The following SHISA8 variants were observed in gnomAD, a reference collection of about 807,000 sequenced individuals.
SHISA8 encodes protein shisa-8.
A neutral mutation model predicts 21.1 loss-of-function variants in SHISA8; 21 were observed. The ratio of observed to expected loss-of-function variants is 0.99; its 90% CI spans 0.71 to 1.43. The LOEUF (loss-of-function observed/expected upper bound fraction) is 1.43. Among genes scored for constraint, SHISA8 ranks in the 40% most tolerant of loss-of-function variants. The pLI, the probability that SHISA8 is intolerant of heterozygous loss-of-function variation, is 0.00. For synonymous variants in SHISA8, 300 were observed against 291.4 expected (o/e 1.03, Z -0.30); for missense variants, 535 against 599.1 (o/e 0.89, Z 1.12).
rs764402883 is a variant in SHISA8, at chr22:41,914,413, G to T, written c.255C>A (p.Cys85Ter). Residue 85 changes from cysteine (C) to a stop codon, truncating the protein, a stop_gained, in exon 1 of 4, where the codon TGC becomes TGA. Coordinates refer to ENST00000621082, the MANE Select transcript of SHISA8 (RefSeq NM_001207020.3). LOFTEE classifies it high-confidence loss of function. This position sits in a 1 kb window ranked among gnomAD's most constrained non-coding sequence, Gnocchi z 6.8. ...AGCAGAAGCGGTAGCCGCACGTGCC[G>T]CAGCAGAAGCTGTAGGCTCCGGAGC... ...NCSSGAYSFC[C>*]GTCGYRFCCH... 2 of 1,344,972 alleles carry T rather than the reference G, an allele frequency of 1.5e-6. No homozygotes were observed. Among genetic ancestry groups the T allele is most frequent in the South Asian group, 1.8e-5 (1 of 54,206 alleles). 83.3% of individuals were successfully genotyped at this position (1,344,972 alleles called of 1,614,324 possible).
chr22:41,910,116 G>C lies in SHISA8; in HGVS notation c.843C>G (p.Phe281Leu). Reference protein sequence around the residue: ...EAAPRDFCQRFPALEPSPRQP... With the variant: ...EAAPRDFCQRLPALEPSPRQP... Reference sequence around the variant, plus strand: ...GCCGCGGGGACGGCTCGAGGGCGGGGAAACGCTGACAGAAGTCCCGCGGGG... The same window carrying C: ...GCCGCGGGGACGGCTCGAGGGCGGGCAAACGCTGACAGAAGTCCCGCGGGG... The change falls in exon 4 of 4, where the codon TTC (phenylalanine) becomes TTG (leucine). Residue 281 changes from phenylalanine to leucine, a missense_variant. Phe to Leu is a conservative substitution (Grantham distance 22). Transcript: ENST00000621082. This position sits in a 1 kb window ranked among gnomAD's most constrained non-coding sequence, Gnocchi z 6.8. 8.1e-7 allele frequency: 1 copy of C among 1,239,148 alleles called. No homozygotes were observed. The highest frequency in any genetic ancestry group is 1.0e-6 in the Non-Finnish European group (1 of 994,782). The allele number at this position is 1,239,148 out of a possible 1,614,324, so 76.8% of individuals were successfully genotyped here.
In SHISA8 at chr22:41,914,641, C is replaced by A; in HGVS notation, c.27G>T (p.Leu9=). The A allele has an allele frequency of 9.7e-7, 1 of 1,030,584 alleles. No homozygotes were observed. 63.8% of individuals were successfully genotyped at this position (1,030,584 alleles called of 1,614,324 possible). MARAGARG[L]LGGRRPPGLR... is the part of the protein sequence containing the mutation. ...GGCCGGGAGGACGGCGGCCGCCGAG[C>A]AGTCCCCGCGCCCCGGCCCGCGCCA... is the stretch of plus-strand genomic sequence containing the variant. The change falls in exon 1 of 4, where the codon CTG becomes CTT. Residue 9 remains leucine (L), a synonymous_variant. Transcript: ENST00000621082. This position sits in a 1 kb window ranked among gnomAD's most constrained non-coding sequence, Gnocchi z 6.8.
At position 41,909,647 on chromosome 22, in the gene SHISA8, T is replaced by C; in HGVS notation, c.*118A>G. 1 of 1,297,548 alleles carries C rather than the reference T, an allele frequency of 7.7e-7. No homozygotes were observed. Among genetic ancestry groups the C allele is most frequent in the Non-Finnish European group, 9.8e-7 (1 of 1,015,624 alleles). The allele number at this position is 1,297,548 out of a possible 1,614,324, so 80.4% of individuals were successfully genotyped here. ...CGGCCTGCAGGCTCCAAGACACCAC[T>C]GCCGTTGAGGCAGACAGAAGAGCTG... On this transcript the variant is annotated 3_prime_UTR_variant, in exon 4 of 4. Transcript: ENST00000621082.
chr22:41,910,463 C>T lies in SHISA8; in HGVS notation c.756G>A (p.Leu252=). The T allele has an allele frequency of 7.7e-7, 1 of 1,303,678 alleles. No individual in the cohort carries two copies. The highest frequency in any genetic ancestry group is 9.7e-7 in the Non-Finnish European group (1 of 1,030,860). The allele number at this position is 1,303,678 out of a possible 1,614,324, so 80.8% of individuals were successfully genotyped here. ...PRLQGGGSLT[L]QPDYAKYATF... ...TGGCGTACTTGGCGTAGTCTGGCTG[C>T]AGCGTCAGGCTGCCGCCGCCCTGCA... Residue 252 remains leucine (L), a synonymous_variant, in exon 3 of 4, where the codon CTG becomes CTA. Transcript: ENST00000621082. The surrounding 1 kb of genome is among the most constrained non-coding windows in gnomAD (Gnocchi z 6.8).
intron 1 of SHISA8, among the ~76,000 whole-genome samples, chr22:41,912,198 G>A (rs1481877967): frequency 3.3e-5 from 5 of 152,190 alleles, no homozygotes; most frequent in Non-Finnish European, 1.5e-5. Flanking sequence ...TGTGACCTTG[G>A]ACAGCCACCT....
Position 41,910,845 on chromosome 22 carries a change from C to T in SHISA8, c.665-291G>A, listed in dbSNP as rs2077547878. Among the ~76,000 whole-genome samples, 1 of 151,994 alleles carries T rather than the reference C, an allele frequency of 6.6e-6. No individual in the cohort carries two copies. Among genetic ancestry groups the T allele is most frequent in the South Asian group, 2.1e-4 (1 of 4,804 alleles). ...CAGGCGCGGAGTCCTGGGACCTGCT[C>T]CCGCCGAGACGGGGGATGTCTGAGG... On this transcript the variant is annotated intron_variant, in intron 2 of 3. Coordinates refer to ENST00000621082, the MANE Select transcript of SHISA8 (RefSeq NM_001207020.3). The surrounding 1 kb of genome is among the most constrained non-coding windows in gnomAD (Gnocchi z 6.8).
rs1305335067 is a variant in SHISA8 at position 41,912,106 on chromosome 22, C to A, written c.531-757G>T. 2.6e-5 allele frequency among the ~76,000 whole-genome samples: 4 copies of A among 152,344 alleles called. No individual in the cohort carries two copies. The East Asian group carries it at 7.7e-4, about 29-fold the overall frequency. ...CTGCTGGGACCTGGGATAAAGCTGC[C>A]ATCACGGGCATGAAGGACAGATGGG... On this transcript the variant is annotated intron_variant, in intron 1 of 3. Coordinates refer to ENST00000621082, the MANE Select transcript of SHISA8 (RefSeq NM_001207020.3).
At position 41,914,508 on chromosome 22, in the gene SHISA8, G is replaced by T; in HGVS notation, c.160C>A (p.Pro54Thr). ...QGPAAPGTTA[P>T]EGGDRCRGYY... ...CCGCGGCAGCGGTCGCCCCCCTCCG[G>T]GGCTGTCGTGCCGGGCGCCGCGGGA... is the stretch of plus-strand genomic sequence containing the variant. Residue 54 changes from proline to threonine, a missense_variant, in exon 1 of 4, where the codon CCG (proline) becomes ACG (threonine). By Grantham distance (38) the Pro-to-Thr change is conservative. Coordinates refer to ENST00000621082, the MANE Select transcript of SHISA8 (RefSeq NM_001207020.3). This position sits in a 1 kb window ranked among gnomAD's most constrained non-coding sequence, Gnocchi z 6.8. The T allele has an allele frequency of 8.0e-7, 1 of 1,248,870 alleles. No homozygotes were observed. The highest frequency in any genetic ancestry group is 1.0e-6 in the Non-Finnish European group (1 of 996,436). 77.4% of individuals were successfully genotyped at this position (1,248,870 alleles called of 1,614,324 possible). A position where few individuals can be genotyped will look rare whatever the true frequency, so the allele number is the denominator to read the frequency against.
intron 1 of SHISA8, among the ~76,000 whole-genome samples, chr22:41,911,572 CTAA>C (rs978926653): frequency 6.6e-6 from 1 of 152,150 alleles, no homozygotes; most frequent in Admixed American, 6.5e-5. Context: ...TCAGGAAACT[CTAA>C]TGAGGCTCCC....
chr22:41,910,392 C>A lies in SHISA8; in HGVS notation c.811+16G>T. The A allele has an allele frequency of 8.5e-6, 11 of 1,300,512 alleles. No individual in the cohort carries two copies. Among genetic ancestry groups the A allele is most frequent in the Non-Finnish European group, 1.1e-5 (11 of 1,023,978 alleles). 80.6% of individuals were successfully genotyped at this position (1,300,512 alleles called of 1,614,324 possible). ...TGCGCCCAGGTGCCCTGACGCTGCC[C>A]GCACCCGCCACTCACCTGCGGCCTT... On this transcript the variant is annotated intron_variant, in intron 3 of 3. Coordinates refer to ENST00000621082, the MANE Select transcript of SHISA8 (RefSeq NM_001207020.3). This position sits in a 1 kb window ranked among gnomAD's most constrained non-coding sequence, Gnocchi z 6.8.
At position 41,914,422 on chromosome 22, in the gene SHISA8, G is replaced by A; in HGVS notation, c.246C>T (p.Ser82=). 1 of 1,354,526 alleles carries A rather than the reference G, an allele frequency of 7.4e-7. No homozygotes were observed. The highest frequency in any genetic ancestry group is 9.5e-7 in the Non-Finnish European group (1 of 1,050,692). The allele number at this position is 1,354,526 out of a possible 1,614,324, so 83.9% of individuals were successfully genotyped here. A position where few individuals can be genotyped will look rare whatever the true frequency, so the allele number is the denominator to read the frequency against. Residue 82 remains serine, a synonymous_variant, in exon 1 of 4, where the codon AGC becomes AGT. Transcript: ENST00000621082. This position sits in a 1 kb window ranked among gnomAD's most constrained non-coding sequence, Gnocchi z 6.8. ...PPFNCSSGAY[S]FCCGTCGYRF... ...GGTAGCCGCACGTGCCGCAGCAGAA[G>A]CTGTAGGCTCCGGAGCTGCAGTTGA...
rs1284254966 is a variant in SHISA8, at chr22:41,914,573, C to T, written c.95G>A (p.Arg32Gln). Residue 32 changes from arginine to glutamine, a missense_variant, in exon 1 of 4, where the codon CGG becomes CAG. Transcript: ENST00000621082. The surrounding 1 kb of genome is among the most constrained non-coding windows in gnomAD (Gnocchi z 6.8). Reference protein sequence around the residue: ...LALRLALLLARPPSGRAGAPE... With the variant: ...LALRLALLLAQPPSGRAGAPE... The stretch of plus-strand genomic sequence containing the variant: ...GGCTCCCGCGCGGCCCGACGGCGGC[C>T]GCGCCAGCAGCAACGCGAGCCGAAG... The T allele has an allele frequency of 8.6e-6, 10 of 1,159,362 alleles. No individual in the cohort carries two copies. Among genetic ancestry groups the T allele is most frequent in the Non-Finnish European group, 9.5e-6 (9 of 943,296 alleles). 71.8% of individuals were successfully genotyped at this position (1,159,362 alleles called of 1,614,324 possible). A position where few individuals can be genotyped will look rare whatever the true frequency, so the allele number is the denominator to read the frequency against.
Position 41,914,128 on chromosome 22 carries a change from G to A in SHISA8, c.530+10C>T. The A allele has an allele frequency of 7.2e-7, 1 of 1,394,050 alleles. No homozygotes were observed. Among genetic ancestry groups the A allele is most frequent in the East Asian group, 3.0e-5 (1 of 32,840 alleles). The allele number at this position is 1,394,050 out of a possible 1,614,324, so 86.4% of individuals were successfully genotyped here. A position where few individuals can be genotyped will look rare whatever the true frequency, so the allele number is the denominator to read the frequency against. The stretch of plus-strand genomic sequence containing the variant: ...GAGCAGGCGGGGGTCCCTGGGCGGC[G>A]CGTGCTCACCTGGTCACTGTGCGCC... On this transcript the variant is annotated intron_variant, in intron 1 of 3. Coordinates refer to ENST00000621082, the MANE Select transcript of SHISA8 (RefSeq NM_001207020.3). The surrounding 1 kb of genome is among the most constrained non-coding windows in gnomAD (Gnocchi z 6.8).
intron 1 of SHISA8, among the ~76,000 whole-genome samples, chr22:41,912,321 C>G (rs2077557979): frequency 6.6e-6 from 1 of 152,242 alleles, no homozygotes; most frequent in African/African-American, 2.4e-5. Context: ...GACCCTCCTT[C>G]CGGGGCTAGA....
chr22:41,910,126 C>G lies in SHISA8; in HGVS notation c.833G>C (p.Cys278Ser). Residue 278 changes from cysteine to serine, a missense_variant, in exon 4 of 4, where the codon TGT becomes TCT. Cys to Ser is a moderately radical substitution (Grantham distance 112). Transcript: ENST00000621082. This position sits in a 1 kb window ranked among gnomAD's most constrained non-coding sequence, Gnocchi z 6.8. The stretch of plus-strand genomic sequence containing the variant: ...CGGCTCGAGGGCGGGGAAACGCTGA[C>G]AGAAGTCCCGCGGGGCGGCCTCTGC... ...KAAEAAPRDFCQRFPALEPSP... is the reference protein window; with the variant it reads ...KAAEAAPRDFSQRFPALEPSP... The G allele has an allele frequency of 1.6e-6, 2 of 1,238,080 alleles. No individual in the cohort carries two copies. Among genetic ancestry groups the G allele is most frequent in the Non-Finnish European group, 2.0e-6 (2 of 993,974 alleles). 76.7% of individuals were successfully genotyped at this position (1,238,080 alleles called of 1,614,324 possible). A position where few individuals can be genotyped will look rare whatever the true frequency, so the allele number is the denominator to read the frequency against.
Position 41,910,591 on chromosome 22 carries a change from C to T in SHISA8, c.665-37G>A, listed in dbSNP as rs2077544702. 9 of 1,218,462 alleles carry T rather than the reference C, an allele frequency of 7.4e-6. No homozygotes were observed. The highest frequency in any genetic ancestry group is 4.1e-5 in the South Asian group (1 of 24,342). 75.5% of individuals were successfully genotyped at this position (1,218,462 alleles called of 1,614,324 possible). A position where few individuals can be genotyped will look rare whatever the true frequency, so the allele number is the denominator to read the frequency against. On this transcript the variant is annotated intron_variant, in intron 2 of 3. Transcript: ENST00000621082. The surrounding 1 kb of genome is among the most constrained non-coding windows in gnomAD (Gnocchi z 6.8). ...AGTGAGACGCGGCTCGGTCCGATGCCCCGGTTCACTCCGCCCTCGCTGTCA... is the reference window on the plus strand; with the variant it reads ...AGTGAGACGCGGCTCGGTCCGATGCTCCGGTTCACTCCGCCCTCGCTGTCA...
intron 1 of SHISA8, among the ~76,000 whole-genome samples, chr22:41,912,022 C>T (rs1461868916): frequency 1.3e-5 from 2 of 152,250 alleles, no homozygotes; most frequent in East Asian, 1.9e-4. Context: ...TGAGCCACCG[C>T]GCCCGGCCCA....
Position 41,914,268 on chromosome 22 carries a change from C to A in SHISA8, c.400G>T (p.Gly134Cys). 7.8e-7 allele frequency: 1 copy of A among 1,281,788 alleles called. No homozygotes were observed. The highest frequency in any genetic ancestry group is 9.8e-7 in the Non-Finnish European group (1 of 1,019,454). 79.4% of individuals were successfully genotyped at this position (1,281,788 alleles called of 1,614,324 possible). Residue 134 changes from glycine to cysteine, a missense_variant, in exon 1 of 4, where the codon GGC becomes TGC. By Grantham distance (159) the Gly-to-Cys change is radical. Transcript: ENST00000621082. The surrounding 1 kb of genome is among the most constrained non-coding windows in gnomAD (Gnocchi z 6.8). ...ACGGCCGTATGGCTGCGCTCGCGGCCGGGGTCCCGGGGCGCTGCGGTGTCG... is the reference window on the plus strand; with the variant it reads ...ACGGCCGTATGGCTGCGCTCGCGGCAGGGGTCCCGGGGCGCTGCGGTGTCG... ...ARDTAAPRDP[G>C]RERSHTAVYA... is the part of the protein sequence containing the mutation.
rs2077544995 is a variant in SHISA8 at position 41,910,615 on chromosome 22, C to T, written c.665-61G>A. 8.2e-7 allele frequency: 1 copy of T among 1,214,584 alleles called. No individual in the cohort carries two copies. The highest frequency in any genetic ancestry group is 1.6e-5 in the African/African-American group (1 of 63,542). 75.2% of individuals were successfully genotyped at this position (1,214,584 alleles called of 1,614,324 possible). A position where few individuals can be genotyped will look rare whatever the true frequency, so the allele number is the denominator to read the frequency against. On this transcript the variant is annotated intron_variant, in intron 2 of 3. Transcript: ENST00000621082. This position sits in a 1 kb window ranked among gnomAD's most constrained non-coding sequence, Gnocchi z 6.8. ...CCCCGGTTCACTCCGCCCTCGCTGTCACCTCTCCGTAGTCCTCTCCCCGAG... is the reference window on the plus strand; with the variant it reads ...CCCCGGTTCACTCCGCCCTCGCTGTTACCTCTCCGTAGTCCTCTCCCCGAG...
Sources: gnomAD v4.1 joint callset for allele counts (sites outside exome capture counted in the v4.1 genomes callset) on GRCh38, gnomAD v4.1.1 for gene constraint, Gnocchi (gnomAD v3.1) non-coding constraint, MANE v1.5 for transcripts, NCBI Gene and HGNC (gene_info 2026-07-23, HGNC 2026-07-21) for gene names.